The following CRIM1 variants were observed in gnomAD, a reference collection of about 807,000 sequenced individuals.
The protein encoded by CRIM1 is cysteine-rich motor neuron 1 protein.
In CRIM1, 32 loss-of-function variants were observed where a neutral mutation model predicts 116.4. That is an observed-to-expected ratio of 0.27 (90% CI 0.21 to 0.37). The LOEUF (loss-of-function observed/expected upper bound fraction) is 0.37. Among genes scored for constraint, CRIM1 ranks in the 10% least tolerant of loss-of-function variants. The pLI is 1.00. For missense variants in CRIM1, 1,331 were observed against 1,354.8 expected (o/e 0.98, Z 0.28); for synonymous variants, 590 against 509.2 (o/e 1.16, Z -2.13).
chr2:36,548,300 C>T (rs967959492), intron 16 of CRIM1, among the ~76,000 whole-genome samples: 24 of 149,326 alleles, frequency 1.6e-4, no homozygotes, highest in African/African-American at 5.7e-4. Flanking sequence ...CTTCATCTCC[C>T]TATTTGACAG....
At chr2:36,544,282 G>A in intron 14 of CRIM1, 94 bp from the exon 15 acceptor site, 2 of 1,109,630 alleles carry the variant, frequency 1.8e-6, no homozygotes, top group South Asian at 3.7e-5. Flanking sequence ...AGGAAATGTG[G>A]TCTTGAATTG....
At chr2:36,476,830 C>T (rs1037597781) in intron 5 of CRIM1, 59 bp from the exon 6 acceptor site, 3 of 1,425,688 alleles carry the variant, frequency 2.1e-6, no homozygotes, top group Non-Finnish European at 2.9e-6. Context: ...TGAAAAACAT[C>T]AAAGGACACA....
intron 11 of CRIM1, among the ~76,000 whole-genome samples, chr2:36,514,387 A>G (rs3821156): frequency 0.35 from 53,950 of 152,104 alleles, 10,213 homozygotes; most frequent in East Asian, 0.55. Context: ...AACAGTAATT[A>G]TAACCATAAA....
At chr2:36,545,480 T>C (rs916959521) in intron 15 of CRIM1, among the ~76,000 whole-genome samples, 6 of 152,200 alleles carry the variant, frequency 3.9e-5, no homozygotes, top group African/African-American at 1.4e-4. Context: ...GTGCATTGCA[T>C]AGTATCTATG....
At chr2:36,481,323 A>G (rs1436994772) in intron 7 of CRIM1, among the ~76,000 whole-genome samples, 2 of 152,172 alleles carry the variant, frequency 1.3e-5, no homozygotes, top group African/African-American at 4.8e-5. Context: ...TTCTTAGCAC[A>G]CATTGATGTT....
chr2:36,517,595 G>A, intron 12 of CRIM1, 53 bp downstream of exon 12: 3 of 1,556,632 alleles, frequency 1.9e-6, no homozygotes, highest in South Asian at 1.1e-5. Context: ...GCAGCTCTGG[G>A]TGTTGTCATT....
In CRIM1 at chr2:36,355,872, C is replaced by G. The variant is rs910124159; in HGVS notation, c.-421C>G. Reference sequence around the variant, plus strand: ...GCAGCTCGGGAGGCGGGGACCGGCCCGGAGGCTGCGCCGCTGCGGGGCCGG... The same window carrying G: ...GCAGCTCGGGAGGCGGGGACCGGCCGGGAGGCTGCGCCGCTGCGGGGCCGG... On this transcript the variant is annotated 5_prime_UTR_variant, in exon 1 of 17. Transcript: ENST00000280527. 6.6e-5 allele frequency: 10 copies of G among 150,472 alleles called. No homozygotes were observed. The highest frequency in any genetic ancestry group is 4.6e-4 in the Admixed American group (7 of 15,142). 9.3% of individuals were successfully genotyped at this position (150,472 alleles called of 1,614,324 possible).
chr2:36,366,001 C>A (rs1572563744), intron 1 of CRIM1, among the ~76,000 whole-genome samples: 1 of 152,238 alleles, frequency 6.6e-6, no homozygotes, highest in South Asian at 2.1e-4. Flanking sequence ...GCTGGGATTA[C>A]AGGCGTGAGC....
At chr2:36,420,910 G>T (rs924119275) in intron 2 of CRIM1, among the ~76,000 whole-genome samples, 1 of 152,174 alleles carries the variant, frequency 6.6e-6, no homozygotes, top group South Asian at 2.1e-4. Flanking sequence ...TAGGAAGCTA[G>T]TACAACCTTC....
At chr2:36,543,887 A>G (rs928417841) in intron 14 of CRIM1, among the ~76,000 whole-genome samples, 2 of 152,176 alleles carry the variant, frequency 1.3e-5, no homozygotes, top group Non-Finnish European at 2.9e-5. Flanking sequence ...CCTACAGTCC[A>G]TTCCCATTTA....
At chr2:36,474,863 A>AAAAT (rs1678834372) in intron 5 of CRIM1, among the ~76,000 whole-genome samples, 1 of 150,390 alleles carries the variant, frequency 6.6e-6, no homozygotes, top group South Asian at 2.1e-4. Flanking sequence ...AAAAAAAAAA[A>AAAAT]AAAGACTTTG....
intron 1 of CRIM1, among the ~76,000 whole-genome samples, chr2:36,366,225 A>G (rs1275212569): frequency 1.3e-5 from 2 of 152,186 alleles, no homozygotes; most frequent in East Asian, 1.9e-4. Context: ...CTGATGATCA[A>G]ACCGTATTAT....
chr2:36,473,223 G>A (rs1212181817), intron 5 of CRIM1, among the ~76,000 whole-genome samples: 2 of 152,194 alleles, frequency 1.3e-5, no homozygotes, highest in Admixed American at 1.3e-4. Context: ...CATGCAAGGG[G>A]ACATATTAAA....
chr2:36,535,800 TA>T (rs1248394479), intron 13 of CRIM1, among the ~76,000 whole-genome samples: 2 of 152,206 alleles, frequency 1.3e-5, no homozygotes, highest in African/African-American at 4.8e-5. Context: ...AGATTGAAAA[TA>T]TTTTTAAAAA....
intron 1 of CRIM1, among the ~76,000 whole-genome samples, chr2:36,358,071 G>A (rs560822245): frequency 1.3e-5 from 2 of 152,266 alleles, no homozygotes; most frequent in East Asian, 3.9e-4. Flanking sequence ...ATGAGTGAAG[G>A]GAACTCTTCT....
rs776175356 is a variant in CRIM1 at position 36,499,371 on chromosome 2, T to C, written c.1501+24T>C. 1.9e-6 allele frequency: 3 copies of C among 1,611,094 alleles called. No individual in the cohort carries two copies. In the East Asian group the frequency reaches 6.7e-5, roughly 36 times the overall value. On this transcript the variant is annotated intron_variant, in intron 8 of 16. Transcript: ENST00000280527. ...CAGTGAGTAGACAGAAGACTGTATG[T>C]TTTTTCTGAGGCCTAATATGATATT...
chr2:36,383,532 C>T (rs1452665668), intron 1 of CRIM1, among the ~76,000 whole-genome samples: 4 of 152,120 alleles, frequency 2.6e-5, no homozygotes, highest in African/African-American at 4.8e-5. Flanking sequence ...CTAGTTATGT[C>T]GTAGAGCAGT....
intron 8 of CRIM1, among the ~76,000 whole-genome samples, chr2:36,507,020 C>T (rs1373325989): frequency 2.0e-5 from 3 of 152,006 alleles, no homozygotes; most frequent in Non-Finnish European, 4.4e-5. Context: ...CCACCACACC[C>T]AGCTAATGTT....
chr2:36,435,364 CAG>C (rs911239412), intron 2 of CRIM1, among the ~76,000 whole-genome samples: 3 of 150,778 alleles, frequency 2.0e-5, no homozygotes, highest in Admixed American at 6.6e-5. Flanking sequence ...GAGAGAGAGA[CAG>C]AGAGAGAGAA....
Sources: gnomAD v4.1 joint callset for allele counts (sites outside exome capture counted in the v4.1 genomes callset) on GRCh38, gnomAD v4.1.1 for gene constraint, MANE v1.5 for transcripts, NCBI Gene and HGNC (gene_info 2026-07-23, HGNC 2026-07-21) for gene names.